SIN3A: variants seen among roughly 807,000 people sequenced by gnomAD.
SIN3A encodes SIN3 transcription regulator family member A.
SIN3A carries 14 observed loss-of-function variants against 146.1 expected under a neutral mutation model. The ratio of observed to expected loss-of-function variants is 0.10; its 90% CI spans 0.06 to 0.15. SIN3A has a LOEUF of 0.15. SIN3A is among the 10% of genes least tolerant of loss of function. SIN3A has a pLI of 1.00. For synonymous variants in SIN3A, 572 were observed against 572.0 expected (o/e 1.00, Z 0.00); for missense variants, 1,028 against 1,576.0 (o/e 0.65, Z 5.89).
chr15:75,380,793 T>A, intron 18 of SIN3A, 70 bp from the exon 19 acceptor site: 1 of 1,012,146 alleles, frequency 9.9e-7, no homozygotes, highest in Non-Finnish European at 1.6e-6. Context: ...TTGGGCACTC[T>A]AGTAAATTCT....
intron 6 of SIN3A, among the ~76,000 whole-genome samples, chr15:75,411,042 T>G (rs1367299986): frequency 1.4e-5 from 2 of 146,718 alleles, no homozygotes; most frequent in African/African-American, 5.0e-5. Flanking sequence ...AAAACTGGCT[T>G]TATAGCATGG....
intron 9 of SIN3A, among the ~76,000 whole-genome samples, chr15:75,402,860 C>A (rs1055251847): frequency 1.3e-5 from 2 of 152,002 alleles, no homozygotes; most frequent in Non-Finnish European, 2.9e-5. Context: ...GTCTCAAACT[C>A]CTGACCACAA....
intron 1 of SIN3A, among the ~76,000 whole-genome samples, chr15:75,440,382 C>A (rs950019251): frequency 6.6e-6 from 1 of 151,544 alleles, no homozygotes; most frequent in Non-Finnish European, 1.5e-5. Flanking sequence ...CAGGTGTGTG[C>A]CACTACACCT....
intron 1 of SIN3A, among the ~76,000 whole-genome samples, chr15:75,444,186 T>C (rs1370193591): frequency 6.6e-6 from 1 of 152,204 alleles, no homozygotes; most frequent in Non-Finnish European, 1.5e-5. Context: ...ATTTTCAGGC[T>C]GGGCATGGTG....
At chr15:75,417,892 AGT>A (rs1449231342) in intron 3 of SIN3A, among the ~76,000 whole-genome samples, 1 of 152,194 alleles carries the variant, frequency 6.6e-6, no homozygotes, top group African/African-American at 2.4e-5. Flanking sequence ...GGAGTGAACC[AGT>A]GTTAGTCCCT....
chr15:75,390,765 T>TG (rs533344512), intron 15 of SIN3A, among the ~76,000 whole-genome samples: 86 of 152,190 alleles, frequency 5.7e-4, no homozygotes, highest in Non-Finnish European at 8.2e-4. Context: ...TTTGTAGAGA[T>TG]GGGGTCTCAC....
chr15:75,423,674 T>C (rs1257287047), intron 2 of SIN3A, among the ~76,000 whole-genome samples: 1 of 151,880 alleles, frequency 6.6e-6, no homozygotes, highest in African/African-American at 2.4e-5. Context: ...CAAGACTCCA[T>C]CTCAAAAACA....
chr15:75,418,279 C>T (rs1476729384), intron 3 of SIN3A, among the ~76,000 whole-genome samples: 1 of 151,634 alleles, frequency 6.6e-6, no homozygotes, highest in Non-Finnish European at 1.5e-5. Flanking sequence ...ATCCGCCCGC[C>T]TCGGCCTCCC....
chr15:75,422,542 C>A, intron 3 of SIN3A, 105 bp downstream of exon 3: 1 of 1,255,108 alleles, frequency 8.0e-7, no homozygotes, highest in Non-Finnish European at 1.2e-6. Flanking sequence ...GATTCGACAG[C>A]TAGTATCTCA....
chr15:75,383,109 GAA>G (rs199520281), intron 17 of SIN3A, among the ~76,000 whole-genome samples: 1 of 139,788 alleles, frequency 7.2e-6, no homozygotes, highest in Non-Finnish European at 1.6e-5. Context: ...TCCATCTCGG[GAA>G]AAAAAAAAAA....
At chr15:75,447,828 G>A (rs763979433) in intron 1 of SIN3A, 1 of 152,092 alleles carries the variant, frequency 6.6e-6, no homozygotes, top group Non-Finnish European at 1.5e-5. Context: ...GACAAAAAGT[G>A]GGTAGGGAAA....
In SIN3A at chr15:75,396,512, A is replaced by AG; in HGVS notation, c.1855-17_1855-16insC. ...CTACATCAAGCTGAAGAGGAAGACA[A>AG]AGAAGGGTATGCTCAGGACCCAAAT... On this transcript the variant is annotated splice_polypyrimidine_tract_variant and intron_variant, in intron 12 of 20. Transcript: ENST00000394947. The AG allele has an allele frequency of 6.3e-7, 1 of 1,576,958 alleles. No individual in the cohort carries two copies. Among genetic ancestry groups the AG allele is most frequent in the Non-Finnish European group, 8.7e-7 (1 of 1,147,976 alleles).
intron 12 of SIN3A, among the ~76,000 whole-genome samples, chr15:75,397,368 T>C (rs893689051): frequency 1.3e-5 from 2 of 152,178 alleles, no homozygotes; most frequent in African/African-American, 4.8e-5. Context: ...GATAGGGCCA[T>C]GTAACTAGTT....
At chr15:75,434,658 A>AT (rs1266406884) in intron 1 of SIN3A, among the ~76,000 whole-genome samples, 1 of 150,546 alleles carries the variant, frequency 6.6e-6, no homozygotes, top group Non-Finnish European at 1.5e-5. Flanking sequence ...AAAAAAAAAA[A>AT]AAATAAAAGG....
At position 75,412,932 on chromosome 15, in the gene SIN3A, G is replaced by C; in HGVS notation, c.587C>G (p.Thr196Ser). ...AGTTGTCACATTCACCATGTCATTG[G>C]TTTGCACCTCAATTTTGTAGCCAGG... ...LPPGYKIEVQ[T>S]NDMVNVTTPG... The change falls in exon 5 of 21, where the codon ACC (threonine) becomes AGC (serine). Residue 196 changes from threonine (T) to serine (S), a missense_variant. By Grantham distance (58) the Thr-to-Ser change is moderately conservative. This residue lies in a region of SIN3A where 112 missense variants were observed against 135.7 expected (regional missense o/e 0.83). Transcript: ENST00000394947. 6.2e-7 allele frequency: 1 copy of C among 1,614,114 alleles called. No homozygotes were observed.
intron 8 of SIN3A, 101 bp downstream of exon 8, chr15:75,409,735 A>C (rs74625735): frequency 7.6e-7 from 1 of 1,320,652 alleles, no homozygotes; most frequent in Non-Finnish European, 1.0e-6. Context: ...TCAAAAAAAC[A>C]AAAAAAAACA....
intron 5 of SIN3A, 62 bp from the exon 6 acceptor site, chr15:75,411,805 T>A: frequency 6.7e-7 from 1 of 1,499,304 alleles, no homozygotes; most frequent in Non-Finnish European, 8.9e-7. Context: ...CAAGGAAAGT[T>A]CAAACTAAAG....
intron 19 of SIN3A, among the ~76,000 whole-genome samples, chr15:75,379,599 T>C (rs1381634378): frequency 1.3e-5 from 2 of 152,252 alleles, no homozygotes; most frequent in African/African-American, 4.8e-5. Flanking sequence ...ATGTGTTAAA[T>C]GATTCAATGA....
In SIN3A at chr15:75,374,694, C is replaced by G. The variant is rs148006778; in HGVS notation, c.3591+971G>C. Among the ~76,000 whole-genome samples, 323 of 152,296 alleles carry G rather than the reference C, an allele frequency of 2.1e-3. 2 individuals are homozygous for G. Among genetic ancestry groups the G allele is most frequent in the African/African-American group, 7.2e-3 (301 of 41,558 alleles). ...GGTGTTTGTAATTTCTTGAATATGC[C>G]AAGTCCTTTCCTCCCAGCCTTGTAC... On this transcript the variant is annotated intron_variant, in intron 20 of 20. Transcript: ENST00000394947.
Sources: gnomAD v4.1 joint callset for allele counts (sites outside exome capture counted in the v4.1 genomes callset) on GRCh38, gnomAD v4.1.1 for gene constraint, gnomAD v4.1.1 regional missense constraint, MANE v1.5 for transcripts, NCBI Gene and HGNC (gene_info 2026-07-23, HGNC 2026-07-21) for gene names.